Variants in PAX5 observed in about 807,000 individuals in gnomAD.
The protein encoded by PAX5 is paired box 5.
PAX5 carries 9 observed loss-of-function variants against 43.7 expected under a neutral mutation model. That is an observed-to-expected ratio of 0.21 (90% CI 0.12 to 0.36). The LOEUF is 0.36. PAX5 is among the 10% of genes least tolerant of loss of function. The probability of loss-of-function intolerance (pLI) is 1.00; values close to 1 mark genes in which losing one functional copy is unlikely to be tolerated. For missense variants in PAX5, 383 were observed against 532.7 expected, an observed-to-expected ratio of 0.72 and a Z score of 2.77; for synonymous variants, 228 against 214.3, an observed-to-expected ratio of 1.06 and a Z score of -0.56.
intron 7 of PAX5, among the ~76,000 whole-genome samples, chr9:36,909,185 A>G (rs1445511734): frequency 6.6e-6 from 1 of 152,186 alleles, no homozygotes; most frequent in Non-Finnish European, 1.5e-5. Flanking sequence ...AAATACTTCA[A>G]ATTTCAATAG....
intron 6 of PAX5, among the ~76,000 whole-genome samples, chr9:36,959,447 C>T (rs1833769059): frequency 1.3e-5 from 2 of 152,196 alleles, no homozygotes; most frequent in South Asian, 4.1e-4. Flanking sequence ...CTTCATCAGA[C>T]CAAATGGCCC....
chr9:36,882,232 C>A lies in PAX5; in HGVS notation c.911-127G>T, dbSNP rs1405454247. On this transcript the variant is annotated intron_variant, in intron 7 of 9. Transcript: ENST00000358127. This position sits in a 1 kb window ranked among gnomAD's most constrained non-coding sequence, Gnocchi z 4.4. ...GCTGAACGGCAATGTGCCCCCAGCT[C>A]CCCCCTGTCGCTCACACGCTCTCAC... The A allele has an allele frequency of 4.5e-6, 3 of 661,238 alleles. No individual in the cohort carries two copies. The highest frequency in any genetic ancestry group is 3.9e-5 in the South Asian group (2 of 51,790). 41.0% of individuals were successfully genotyped at this position (661,238 alleles called of 1,614,324 possible). A position where few individuals can be genotyped will look rare whatever the true frequency, so the allele number is the denominator to read the frequency against.
chr9:36,888,768 C>T, intron 7 of PAX5, among the ~76,000 whole-genome samples: 1 of 152,198 alleles, frequency 6.6e-6, no homozygotes, highest in East Asian at 1.9e-4. Flanking sequence ...GGGAGGAGAC[C>T]TCCAGGCAGC....
At chr9:37,006,589 G>A (rs1838408516) in intron 3 of PAX5, 52 bp from the exon 4 acceptor site, 2 of 1,425,376 alleles carry the variant, frequency 1.4e-6, no homozygotes, top group South Asian at 2.3e-5. Flanking sequence ...AAGGAGAAGA[G>A]ACCTCAACCA....
intron 3 of PAX5, among the ~76,000 whole-genome samples, chr9:37,010,439 A>G (rs919419509): frequency 6.6e-6 from 1 of 152,200 alleles, no homozygotes; most frequent in Non-Finnish European, 1.5e-5. Context: ...AGCCACATTC[A>G]AAGGAAGCGC....
At chr9:36,871,463 C>T (rs905314701) in intron 8 of PAX5, among the ~76,000 whole-genome samples, 1 of 152,192 alleles carries the variant, frequency 6.6e-6, no homozygotes, top group African/African-American at 2.4e-5. Flanking sequence ...ACCTTTAAGC[C>T]CTCCAGGCCC....
intron 8 of PAX5, among the ~76,000 whole-genome samples, chr9:36,878,527 A>G (rs1826122638): frequency 6.6e-6 from 1 of 152,230 alleles, no homozygotes; most frequent in East Asian, 1.9e-4. Flanking sequence ...CAAGGTGGGA[A>G]GCTATTCAAG....
intron 2 of PAX5, 111 bp downstream of exon 2, chr9:37,020,525 C>A: frequency 3.4e-6 from 4 of 1,185,052 alleles, no homozygotes; most frequent in Non-Finnish European, 4.9e-6. Flanking sequence ...GCGTGTGAAA[C>A]AAAATGCCAC....
At chr9:36,844,467 T>C (rs1822372132) in intron 9 of PAX5, among the ~76,000 whole-genome samples, 1 of 152,054 alleles carries the variant, frequency 6.6e-6, no homozygotes, top group South Asian at 2.1e-4. Flanking sequence ...GAGGACGACA[T>C]CAGATAGCCC....
At chr9:36,866,889 A>G (rs1350544432) in intron 8 of PAX5, among the ~76,000 whole-genome samples, 1 of 146,852 alleles carries the variant, frequency 6.8e-6, no homozygotes, top group Admixed American at 6.7e-5. Flanking sequence ...CGCTCCACAC[A>G]GGCACAGCCC....
chr9:36,976,697 CTT>C (rs1835463875), intron 5 of PAX5, among the ~76,000 whole-genome samples: 2 of 152,190 alleles, frequency 1.3e-5, no homozygotes, highest in South Asian at 4.1e-4. Context: ...AATCTTTCTT[CTT>C]GGAGAAGGAA....
chr9:36,899,462 C>A (rs2131850186), intron 7 of PAX5, among the ~76,000 whole-genome samples: 1 of 152,322 alleles, frequency 6.6e-6, no homozygotes, highest in East Asian at 1.9e-4. Context: ...TTCTTTCACT[C>A]AGAAAACATC....
chr9:36,865,330 G>C (rs986983708), intron 8 of PAX5, among the ~76,000 whole-genome samples: 2 of 152,184 alleles, frequency 1.3e-5, no homozygotes, highest in Non-Finnish European at 2.9e-5. Flanking sequence ...CCTAGCCCCT[G>C]GGCCTAGCAA....
At chr9:36,978,918 A>G (rs1398875762) in intron 5 of PAX5, among the ~76,000 whole-genome samples, 2 of 151,844 alleles carry the variant, frequency 1.3e-5, no homozygotes, top group Non-Finnish European at 2.9e-5. Flanking sequence ...CCCGATATCT[A>G]TATATATATA....
At chr9:37,018,141 G>A (rs1034180905) in intron 2 of PAX5, among the ~76,000 whole-genome samples, 5 of 152,054 alleles carry the variant, frequency 3.3e-5, no homozygotes, top group African/African-American at 1.2e-4. Flanking sequence ...TTGTTTTGTG[G>A]GGCTGTTTTG....
intron 6 of PAX5, among the ~76,000 whole-genome samples, chr9:36,963,495 G>A (rs1468382854): frequency 6.6e-6 from 1 of 152,138 alleles, no homozygotes; most frequent in East Asian, 1.9e-4. Context: ...CTTGTCCTGC[G>A]GGCTCTGAGT....
At chr9:36,927,303 C>G (rs1158259840) in intron 6 of PAX5, among the ~76,000 whole-genome samples, 1 of 152,142 alleles carries the variant, frequency 6.6e-6, no homozygotes, top group Non-Finnish European at 1.5e-5. Context: ...GCTGCTGGGT[C>G]TGCAAGGGAA....
chr9:36,924,352 G>A (rs572831064), intron 6 of PAX5, among the ~76,000 whole-genome samples: 8 of 152,178 alleles, frequency 5.3e-5, no homozygotes, highest in Non-Finnish European at 1.2e-4. Flanking sequence ...TTCAACTGAA[G>A]GATAGACTAA....
chr9:36,901,900 G>A (rs561032515), intron 7 of PAX5, among the ~76,000 whole-genome samples: 1 of 152,156 alleles, frequency 6.6e-6, no homozygotes, highest in Non-Finnish European at 1.5e-5. Context: ...TGTAGAGAGT[G>A]GTGCACATGC....
Sources: allele counts gnomAD v4.1 joint callset (sites outside exome capture counted in the v4.1 genomes callset), GRCh38; gene constraint gnomAD v4.1.1; non-coding constraint Gnocchi (gnomAD v3.1); transcripts MANE v1.5; gene names NCBI Gene and HGNC (gene_info 2026-07-23, HGNC 2026-07-21).